The following ZNF134 variants were observed in gnomAD, a reference collection of about 807,000 sequenced individuals.
ZNF134 encodes zinc finger protein 134 (clone pHZ-15).
Under a neutral mutation model 2.5 loss-of-function variants are expected in ZNF134, and 5 were observed. The ratio of observed to expected loss-of-function variants is 2.03; its 90% CI spans 1.06 to 4.27. The LOEUF is 4.27. Ranked by LOEUF, ZNF134 falls within the 30% of genes most tolerant of loss-of-function variation. The pLI is 0.00. For synonymous variants in ZNF134, 176 were observed against 176.2 expected, an observed-to-expected ratio of 1.00 and a Z score of 0.01; for missense variants, 540 against 517.5, an observed-to-expected ratio of 1.04 and a Z score of -0.42.
At position 57,621,663 on chromosome 19, in the gene ZNF134, T is replaced by C; in HGVS notation, c.*260T>C. On this transcript the variant is annotated 3_prime_UTR_variant, in exon 3 of 3. Transcript: ENST00000396161. ...TGTATTGTCCAGTCCCTGGAGAAAA[T>C]CATGAAATGCCTGAGTTCATTGGGG... 1.6e-6 allele frequency: 1 copy of C among 633,278 alleles called. No individual in the cohort carries two copies. The highest frequency in any genetic ancestry group is 1.8e-5 in the African/African-American group (1 of 55,956). The allele number at this position is 633,278 out of a possible 1,614,324, so 39.2% of individuals were successfully genotyped here.
intron 1 of ZNF134, among the ~76,000 whole-genome samples, chr19:57,617,753 A>G (rs1220002948): frequency 6.6e-6 from 1 of 152,200 alleles, no homozygotes; most frequent in East Asian, 1.9e-4. Context: ...CCATCAGCAC[A>G]CTGTAAGGGC....
Position 57,621,355 on chromosome 19 carries a change from C to T in ZNF134, c.1236C>T (p.Ser412=), listed in dbSNP as rs780771409. 1 of 1,614,154 alleles carries T rather than the reference C, an allele frequency of 6.2e-7. No homozygotes were observed. Among genetic ancestry groups the T allele is most frequent in the Non-Finnish European group, 8.5e-7 (1 of 1,180,030 alleles). ...CSECGKAYSL[S]SHLNRHQKVH... is the part of the protein sequence containing the mutation. ...AATGTGGGAAGGCCTACAGCTTAAG[C>T]TCCCACCTCAATCGGCACCAGAAAG... Residue 412 remains serine (S), a synonymous_variant, in exon 3 of 3, where the codon AGC becomes AGT. Transcript: ENST00000396161.
In ZNF134 at chr19:57,623,621, T is replaced by G. The variant is rs907447109; in HGVS notation, c.*2218T>G. On this transcript the variant is annotated 3_prime_UTR_variant, in exon 3 of 3. Coordinates refer to ENST00000396161, the MANE Select transcript of ZNF134 (RefSeq NM_003435.5). ...TAGATGTTTTAGAGAGAGAGATGTT[T>G]TAGAGAGATAGCCAAGGATGTTTGC... 1.2e-4 allele frequency: 19 copies of G among 152,062 alleles called. No individual in the cohort carries two copies. The highest frequency in any genetic ancestry group is 4.6e-4 in the African/African-American group (19 of 41,398). The allele number at this position is 152,062 out of a possible 1,614,324, so 9.4% of individuals were successfully genotyped here.
At chr19:57,619,699 C>T in intron 2 of ZNF134, 191 bp downstream of exon 2, 1 of 635,702 alleles carries the variant, frequency 1.6e-6, no homozygotes, top group Non-Finnish European at 2.7e-6. Flanking sequence ...CATTCTCTAC[C>T]AGAGGGGCTC....
chr19:57,619,288 C>CTGCAGGAACAG, intron 1 of ZNF134, 124 bp from the exon 2 acceptor site: 1 of 765,882 alleles, frequency 1.3e-6, no homozygotes, highest in Non-Finnish European at 2.2e-6. Flanking sequence ...TGCACTGTTC[C>CTGCAGGAACAG]TGCAGGACAA....
In ZNF134 at chr19:57,614,318, C is replaced by A. The variant is rs1298618920; in HGVS notation, c.-243C>A. ...GGGTTGCTGGGCGGTTCCGAGGTGA[C>A]GGAAGCGGGAGGGTGCGGGAGAAGT... On this transcript the variant is annotated 5_prime_UTR_variant, in exon 1 of 3. Coordinates refer to ENST00000396161, the MANE Select transcript of ZNF134 (RefSeq NM_003435.5). 6.6e-6 allele frequency: 3 copies of A among 454,132 alleles called. No homozygotes were observed. The highest frequency in any genetic ancestry group is 4.0e-5 in the African/African-American group (2 of 49,838). 28.1% of individuals were successfully genotyped at this position (454,132 alleles called of 1,614,324 possible). A position where few individuals can be genotyped will look rare whatever the true frequency, so the allele number is the denominator to read the frequency against.
intron 1 of ZNF134, chr19:57,618,961 A>G (rs1244211519): frequency 6.3e-6 from 1 of 159,388 alleles, no homozygotes; most frequent in Non-Finnish European, 1.4e-5. Flanking sequence ...TTCCATAGCT[A>G]GAGCATGGGT....
chr19:57,620,473 C>G lies in ZNF134; in HGVS notation c.354C>G (p.Asn118Lys). 1.9e-6 allele frequency: 3 copies of G among 1,614,200 alleles called. No homozygotes were observed. The highest frequency in any genetic ancestry group is 2.5e-6 in the Non-Finnish European group (3 of 1,180,028). Residue 118 changes from asparagine (N) to lysine (K), a missense_variant, in exon 3 of 3, where the codon AAC becomes AAG. By Grantham distance (94) the Asn-to-Lys change is moderately conservative (BLOSUM62 0). Coordinates refer to ENST00000396161, the MANE Select transcript of ZNF134 (RefSeq NM_003435.5). ...RDKSEASIVK[N>K]CTVSKEPHPS... ...AAAGTGAGGCCTCAATTGTGAAGAA[C>G]TGCACAGTTAGCAAAGAACCTCATC...
chr19:57,621,249 G>T lies in ZNF134; in HGVS notation c.1130G>T (p.Cys377Phe). Reference sequence around the variant, plus strand: ...GAAAGGCCTTTTGTGTGCAGTAAATGTGGGAAAGACTTTATCAGAACCTCC... The same window carrying T: ...GAAAGGCCTTTTGTGTGCAGTAAATTTGGGAAAGACTTTATCAGAACCTCC... ...TGERPFVCSK[C>F]GKDFIRTSHL... The change falls in exon 3 of 3, where the codon TGT (cysteine) becomes TTT (phenylalanine). Residue 377 changes from cysteine (C) to phenylalanine (F), a missense_variant. By Grantham distance (205) the Cys-to-Phe change is radical (BLOSUM62 -2). Transcript: ENST00000396161. 2 of 1,614,140 alleles carry T rather than the reference G, an allele frequency of 1.2e-6. No individual in the cohort carries two copies. The highest frequency in any genetic ancestry group is 1.7e-6 in the Non-Finnish European group (2 of 1,180,024).
At chr19:57,619,368 C>G (rs564575643) in intron 1 of ZNF134, 44 bp from the exon 2 acceptor site, 2 of 1,455,448 alleles carry the variant, frequency 1.4e-6, no homozygotes, top group East Asian at 2.5e-5. Flanking sequence ...CTGGCTAGTG[C>G]TCTCAGCCTG....
At chr19:57,615,970 T>A (rs1024581982) in intron 1 of ZNF134, among the ~76,000 whole-genome samples, 4 of 152,212 alleles carry the variant, frequency 2.6e-5, no homozygotes, top group Admixed American at 2.6e-4. Flanking sequence ...AATTTTATTA[T>A]ATCTTATAGT....
rs950882105 is a variant in ZNF134, at chr19:57,620,493, C to T, written c.374C>T (p.Pro125Leu). ...IVKNCTVSKE[P>L]HPSEKPFTCK... Reference sequence around the variant, plus strand: ...AAGAACTGCACAGTTAGCAAAGAACCTCATCCGTCAGAGAAGCCCTTTACG... The same window carrying T: ...AAGAACTGCACAGTTAGCAAAGAACTTCATCCGTCAGAGAAGCCCTTTACG... The change falls in exon 3 of 3, where the codon CCT becomes CTT. Residue 125 changes from proline to leucine, a missense_variant. Physicochemically the swap from Pro to Leu is moderately conservative, Grantham distance 98. Coordinates refer to ENST00000396161, the MANE Select transcript of ZNF134 (RefSeq NM_003435.5). 6.2e-7 allele frequency: 1 copy of T among 1,614,072 alleles called. No individual in the cohort carries two copies. The highest frequency in any genetic ancestry group is 1.3e-5 in the African/African-American group (1 of 74,938).
rs747180751 is a variant in ZNF134 at position 57,619,520 on chromosome 19, C to G, written c.40+12C>G. The stretch of plus-strand genomic sequence containing the variant: ...TTGGACAGGCCCTGGTGAGTGGGAG[C>G]TGAGGGACGCCATAACCTCAGGGCT... On this transcript the variant is annotated intron_variant, in intron 2 of 2. Transcript: ENST00000396161. 15 of 1,594,612 alleles carry G rather than the reference C, an allele frequency of 9.4e-6. No homozygotes were observed. The highest frequency in any genetic ancestry group is 1.3e-5 in the Non-Finnish European group (15 of 1,170,742).
Position 57,614,358 on chromosome 19 carries a change from C to G in ZNF134, c.-203C>G, listed in dbSNP as rs1442379673. The G allele has an allele frequency of 2.2e-6, 1 of 454,320 alleles. No homozygotes were observed. The highest frequency in any genetic ancestry group is 2.0e-5 in the African/African-American group (1 of 49,876). The allele number at this position is 454,320 out of a possible 1,614,324, so 28.1% of individuals were successfully genotyped here. A position where few individuals can be genotyped will look rare whatever the true frequency, so the allele number is the denominator to read the frequency against. Reference sequence around the variant, plus strand: ...GCGGGAGAAGTCGCTGTTCGCTCTGCGGAGTGGCTCGCCAGCGAAGACCCC... The same window carrying G: ...GCGGGAGAAGTCGCTGTTCGCTCTGGGGAGTGGCTCGCCAGCGAAGACCCC... On this transcript the variant is annotated 5_prime_UTR_variant, in exon 1 of 3. Transcript: ENST00000396161.
intron 1 of ZNF134, among the ~76,000 whole-genome samples, chr19:57,616,861 G>T (rs1168600385): frequency 1.3e-5 from 2 of 152,118 alleles, no homozygotes; most frequent in Non-Finnish European, 2.9e-5. Flanking sequence ...ACTCAGTGTG[G>T]AGAATGATAG....
In ZNF134 at chr19:57,620,499, C is replaced by T. The variant is rs80178068; in HGVS notation, c.380C>T (p.Pro127Leu). The T allele has an allele frequency of 2.7e-5, 44 of 1,614,092 alleles. No homozygotes were observed. The highest frequency in any genetic ancestry group is 4.5e-5 in the East Asian group (2 of 44,892). The change falls in exon 3 of 3, where the codon CCG becomes CTG. Residue 127 changes from proline to leucine, a missense_variant. Physicochemically the swap from Pro to Leu is moderately conservative, Grantham distance 98. Transcript: ENST00000396161. Reference sequence around the variant, plus strand: ...TGCACAGTTAGCAAAGAACCTCATCCGTCAGAGAAGCCCTTTACGTGTAAG... The same window carrying T: ...TGCACAGTTAGCAAAGAACCTCATCTGTCAGAGAAGCCCTTTACGTGTAAG... ...KNCTVSKEPH[P>L]SEKPFTCKEE...
rs1981213433 is a variant in ZNF134, at chr19:57,621,332, T to C, written c.1213T>C (p.Cys405Arg). ...TGERPYECSECGKAYSLSSHL... is the reference protein window; with the variant it reads ...TGERPYECSERGKAYSLSSHL... Reference sequence around the variant, plus strand: ...AGAAAGGCCATATGAGTGCAGTGAATGTGGGAAGGCCTACAGCTTAAGCTC... The same window carrying C: ...AGAAAGGCCATATGAGTGCAGTGAACGTGGGAAGGCCTACAGCTTAAGCTC... The change falls in exon 3 of 3, where the codon TGT becomes CGT. Residue 405 changes from cysteine to arginine, a missense_variant. Cys to Arg is a radical substitution (Grantham distance 180, BLOSUM62 -3). Transcript: ENST00000396161. The C allele has an allele frequency of 2.5e-6, 4 of 1,614,146 alleles. No homozygotes were observed. The highest frequency in any genetic ancestry group is 3.4e-6 in the Non-Finnish European group (4 of 1,180,032).
rs777001802 is a variant in ZNF134, at chr19:57,620,518, G to T, written c.399G>T (p.Thr133=). ...CTCATCCGTCAGAGAAGCCCTTTAC[G>T]TGTAAGGAGGAGCAGAAAAACTTCC... ...KEPHPSEKPF[T]CKEEQKNFQA... The change falls in exon 3 of 3, where the codon ACG becomes ACT. Residue 133 remains threonine, a synonymous_variant. Transcript: ENST00000396161. 3 of 1,614,196 alleles carry T rather than the reference G, an allele frequency of 1.9e-6. No homozygotes were observed. Among genetic ancestry groups the T allele is most frequent in the East Asian group, 2.2e-5 (1 of 44,888 alleles).
rs10413455 is a variant in ZNF134 at position 57,620,255 on chromosome 19, G to A, written c.136G>A (p.Ala46Thr). 0.041 allele frequency: 66,509 copies of A among 1,614,058 alleles called. 2,119 individuals are homozygous for A. Among genetic ancestry groups the A allele is most frequent in the East Asian group, 0.14 (6,131 of 44,880 alleles). Residue 46 changes from alanine (A) to threonine (T), a missense_variant, in exon 3 of 3, where the codon GCA becomes ACA. By Grantham distance (58) the Ala-to-Thr change is moderately conservative. Transcript: ENST00000396161. ...HVNTSKAGLP[A>T]QTALPCDICG... ...TAATACTTCCAAGGCAGGTTTGCCC[G>A]CACAGACGGCTCTCCCTTGTGACAT...
Sources: allele counts gnomAD v4.1 joint callset (sites outside exome capture counted in the v4.1 genomes callset), GRCh38; gene constraint gnomAD v4.1.1; transcripts MANE v1.5; gene names NCBI Gene and HGNC (gene_info 2026-07-23, HGNC 2026-07-21).